Variants in NRXN1 observed in about 807,000 individuals in gnomAD.
The protein encoded by NRXN1 is neurexin 1, also known as neurexin-1.
NRXN1 carries 39 observed loss-of-function variants against 150.9 expected under a neutral mutation model. The observed-to-expected ratio is 0.26, with a 90% CI of 0.20 to 0.34. NRXN1 has a LOEUF of 0.34. Ranked by LOEUF, NRXN1 falls within the 10% of genes least tolerant of loss-of-function variation. The probability of loss-of-function intolerance (pLI) is 1.00; values close to 1 mark genes in which losing one functional copy is unlikely to be tolerated. For synonymous variants in NRXN1, 924 were observed against 757.0 expected (o/e 1.22, Z -3.62); for missense variants, 1,815 against 1,949.9 (o/e 0.93, Z 1.30).
intron 18 of NRXN1, among the ~76,000 whole-genome samples, chr2:50,220,710 G>A (rs947521247): frequency 1.3e-5 from 2 of 151,858 alleles, no homozygotes; most frequent in South Asian, 2.1e-4. Context: ...TAGCTAGACC[G>A]TCATCTTATT....
chr2:50,886,718 A>G (rs1680305488), intron 5 of NRXN1, among the ~76,000 whole-genome samples: 1 of 151,382 alleles, frequency 6.6e-6, no homozygotes, highest in South Asian at 2.1e-4. Flanking sequence ...AAGCTGACTG[A>G]ACAGTCATGA....
At chr2:50,268,017 T>G (rs1479801550) in intron 17 of NRXN1, among the ~76,000 whole-genome samples, 1 of 151,848 alleles carries the variant, frequency 6.6e-6, no homozygotes, top group African/African-American at 2.4e-5. Context: ...TGGCGAAACC[T>G]CGTCTCTACC....
chr2:50,479,032 C>A (rs2090226631), intron 15 of NRXN1, among the ~76,000 whole-genome samples: 1 of 152,196 alleles, frequency 6.6e-6, no homozygotes, highest in Non-Finnish European at 1.5e-5. Flanking sequence ...AGTCACTCCA[C>A]TGTGTTCTGA....
intron 19 of NRXN1, among the ~76,000 whole-genome samples, chr2:50,061,234 T>C (rs945442027): frequency 1.3e-5 from 2 of 152,354 alleles, no homozygotes; most frequent in Admixed American, 1.3e-4. Context: ...ATACTGTCCA[T>C]TGTTCAATAT....
intron 8 of NRXN1, among the ~76,000 whole-genome samples, chr2:50,575,139 T>C (rs1202788949): frequency 6.6e-6 from 1 of 152,222 alleles, no homozygotes; most frequent in Non-Finnish European, 1.5e-5. Flanking sequence ...TTTCTGGTGA[T>C]TTGGAAGATA....
chr2:50,094,948 TTAAG>T (rs1163238500), intron 18 of NRXN1, among the ~76,000 whole-genome samples: 3 of 152,098 alleles, frequency 2.0e-5, no homozygotes, highest in African/African-American at 7.2e-5. Flanking sequence ...CTTAAGAACT[TTAAG>T]TATAGGCTAA....
At chr2:50,534,110 C>A (rs1298425793) in intron 10 of NRXN1, among the ~76,000 whole-genome samples, 1 of 151,840 alleles carries the variant, frequency 6.6e-6, no homozygotes, top group Non-Finnish European at 1.5e-5. Context: ...CACACACACA[C>A]ACACACACAC....
chr2:50,169,765 A>G (rs1455085067), intron 18 of NRXN1, among the ~76,000 whole-genome samples: 1 of 150,880 alleles, frequency 6.6e-6, no homozygotes, highest in African/African-American at 2.4e-5. Context: ...TAGATGGAGG[A>G]CGGGGGATGG....
At position 50,163,277 on chromosome 2, in the gene NRXN1, C is replaced by T. The variant is rs569263280; in HGVS notation, c.3547-71783G>A. Among the ~76,000 whole-genome samples the T allele has an allele frequency of 1.3e-4, 20 of 151,730 alleles. No homozygotes were observed. In the East Asian group the frequency reaches 1.4e-3, roughly 10 times the overall value. On this transcript the variant is annotated intron_variant, in intron 18 of 22. Coordinates refer to ENST00000401669, the MANE Select transcript of NRXN1 (RefSeq NM_001330078.2). ...AGCCTAGCAGACGTCCAATGATACA[C>T]GGTTGAAGGTAACTGCTTCAATGGC...
At chr2:50,551,582 T>C (rs1055250729) in intron 9 of NRXN1, among the ~76,000 whole-genome samples, 1 of 152,118 alleles carries the variant, frequency 6.6e-6, no homozygotes, top group African/African-American at 2.4e-5. Context: ...GCTTAGTTGG[T>C]TGGGGGTGGG....
At chr2:50,960,183 A>T (rs1314194531) in intron 2 of NRXN1, among the ~76,000 whole-genome samples, 1 of 152,134 alleles carries the variant, frequency 6.6e-6, no homozygotes, top group East Asian at 1.9e-4. Flanking sequence ...TTATCTCCAT[A>T]AAAAGGTTAG....
intron 18 of NRXN1, among the ~76,000 whole-genome samples, chr2:50,172,369 G>C (rs2060083562): frequency 2.0e-5 from 3 of 152,032 alleles, no homozygotes. Flanking sequence ...AAAAGACACA[G>C]GGAGGCCCTT....
intron 8 of NRXN1, among the ~76,000 whole-genome samples, chr2:50,602,611 C>T (rs1330444338): frequency 6.6e-6 from 1 of 151,930 alleles, no homozygotes; most frequent in South Asian, 2.1e-4. Context: ...TCCTTTTTCT[C>T]TCCCTTTCTG....
At chr2:49,996,582 C>T (rs1346298810) in intron 21 of NRXN1, among the ~76,000 whole-genome samples, 1 of 152,016 alleles carries the variant, frequency 6.6e-6, no homozygotes, top group East Asian at 1.9e-4. Flanking sequence ...TGACAAGGGT[C>T]CTTTCAAGTG....
chr2:50,867,187 C>A (rs377061876), intron 5 of NRXN1, among the ~76,000 whole-genome samples: 13 of 151,922 alleles, frequency 8.6e-5, no homozygotes, highest in East Asian at 3.9e-4. Context: ...AGAATATATT[C>A]TTCTTTAAAC....
intron 15 of NRXN1, among the ~76,000 whole-genome samples, chr2:50,483,829 G>T (rs7564428): frequency 0.9 from 136,736 of 152,252 alleles, 61,759 homozygotes; most frequent in African/African-American, 0.98. Flanking sequence ...AAAAGAGACT[G>T]ATAAATAGGG....
At chr2:50,437,367 C>T (rs2085534561) in intron 17 of NRXN1, among the ~76,000 whole-genome samples, 1 of 152,286 alleles carries the variant, frequency 6.6e-6, no homozygotes, top group South Asian at 2.1e-4. Context: ...GCCTTTCCCC[C>T]ATGTTCTCAA....
chr2:50,500,766 A>T (rs549192144), intron 13 of NRXN1, among the ~76,000 whole-genome samples: 6 of 152,224 alleles, frequency 3.9e-5, no homozygotes, highest in Non-Finnish European at 7.3e-5. Context: ...TTCCAAGTCA[A>T]ATATTTTTAC....
chr2:50,855,927 C>T (rs1183024635), intron 5 of NRXN1, among the ~76,000 whole-genome samples: 1 of 151,820 alleles, frequency 6.6e-6, no homozygotes, highest in Non-Finnish European at 1.5e-5. Flanking sequence ...AACAAAAAGT[C>T]CATGTTAGAA....
Sources: gnomAD v4.1 joint callset for allele counts (sites outside exome capture counted in the v4.1 genomes callset) on GRCh38, gnomAD v4.1.1 for gene constraint, MANE v1.5 for transcripts, NCBI Gene and HGNC (gene_info 2026-07-23, HGNC 2026-07-21) for gene names.